Variants in C4orf36 observed in about 807,000 individuals in gnomAD.
C4orf36 encodes the protein chromosome 4 open reading frame 36, also known as uncharacterized protein C4orf36.
C4orf36 carries 11 observed loss-of-function variants against 12.2 expected under a neutral mutation model. That is an observed-to-expected ratio of 0.90 (90% CI 0.57 to 1.49). The LOEUF is 1.49. C4orf36 is among the 40% of genes most tolerant of loss of function. The pLI is 0.00. For missense variants in C4orf36, 137 were observed against 133.9 expected (o/e 1.02, Z -0.11); for synonymous variants, 54 against 51.3 (o/e 1.05, Z -0.22).
Position 86,887,782 on chromosome 4 carries a change from C to T in C4orf36, c.332G>A (p.Arg111Lys), listed in dbSNP as rs1484875803. 6.2e-7 allele frequency: 1 copy of T among 1,614,238 alleles called. No individual in the cohort carries two copies. Among genetic ancestry groups the T allele is most frequent in the South Asian group, 1.1e-5 (1 of 91,088 alleles). The stretch of plus-strand genomic sequence containing the variant: ...CTGTCATTTAGATGGAAGAGGTCTT[C>T]TCAAACCGGCTGGCCTTTCCCTCAG... ...LLLRERPAGL[R>K]RPLPSK The change falls in exon 4 of 5, where the codon AGA becomes AAA. Residue 111 changes from arginine to lysine, a missense_variant. Transcript: ENST00000295898.
chr4:86,901,857 G>T, the C4orf36 span, among the ~76,000 whole-genome samples: 1 of 150,960 alleles, frequency 6.6e-6, no homozygotes, highest in African/African-American at 2.4e-5. Context: ...AAGATATGTT[G>T]AAGTCCTAAC....
At chr4:86,898,080 T>G in the C4orf36 span, among the ~76,000 whole-genome samples, 2 of 152,196 alleles carry the variant, frequency 1.3e-5, no homozygotes, top group African/African-American at 4.8e-5. Flanking sequence ...CATGCTGACT[T>G]ATAATGTTGC....
intron 4 of C4orf36, among the ~76,000 whole-genome samples, chr4:86,878,198 A>G (rs1410912440): frequency 1.3e-5 from 2 of 152,128 alleles, no homozygotes; most frequent in Admixed American, 6.5e-5. Context: ...GCACCGACAG[A>G]CTGGAGCTGA....
chr4:86,923,086 C>T, the C4orf36 span, among the ~76,000 whole-genome samples: 15 of 148,278 alleles, frequency 1.0e-4, no homozygotes, highest in East Asian at 1.8e-3. Context: ...CATCCAGCTG[C>T]CTTTTTTTTT....
the C4orf36 span, among the ~76,000 whole-genome samples, chr4:86,918,838 C>T: frequency 2.2e-4 from 33 of 148,798 alleles, no homozygotes; most frequent in Admixed American, 8.7e-4. Flanking sequence ...TGTGTGTGCA[C>T]GTGATATGGG....
At chr4:86,914,899 G>T in the C4orf36 span, 2 of 328,230 alleles carry the variant, frequency 6.1e-6, no homozygotes, top group Non-Finnish European at 1.1e-5. Context: ...TGGACTCTGG[G>T]CAGTCAATGC....
At chr4:86,908,649 C>G in the C4orf36 span, among the ~76,000 whole-genome samples, 1 of 150,940 alleles carries the variant, frequency 6.6e-6, no homozygotes, top group Non-Finnish European at 1.5e-5. Context: ...ACCTTACTCT[C>G]TCTCTCTCCC....
At position 86,876,299 on chromosome 4, in the gene C4orf36, C is replaced by T. The variant is rs1746924186; in HGVS notation, c.*147G>A. On this transcript the variant is annotated 3_prime_UTR_variant, in exon 5 of 5. Coordinates refer to ENST00000295898, the MANE Select transcript of C4orf36 (RefSeq NM_144645.4). ...AGATTTTCTCGGTCTCTGGGCGGGCCGTGGGAGGCTTCCTGAGGTGGGGGC... is the reference window on the plus strand; with the variant it reads ...AGATTTTCTCGGTCTCTGGGCGGGCTGTGGGAGGCTTCCTGAGGTGGGGGC... The T allele has an allele frequency of 2.8e-5, 35 of 1,268,910 alleles. No homozygotes were observed. The South Asian group carries it at 4.6e-4, about 17-fold the overall frequency. 78.6% of individuals were successfully genotyped at this position (1,268,910 alleles called of 1,614,324 possible).
At chr4:86,881,292 T>C (rs923263591) in intron 4 of C4orf36, among the ~76,000 whole-genome samples, 9 of 152,208 alleles carry the variant, frequency 5.9e-5, no homozygotes, top group Non-Finnish European at 1.2e-4. Flanking sequence ...GTTATCAGTT[T>C]TAATTAAATT....
At chr4:86,923,889 G>A in the C4orf36 span, among the ~76,000 whole-genome samples, 4 of 151,588 alleles carry the variant, frequency 2.6e-5, no homozygotes, top group Admixed American at 2.6e-4. Context: ...TATTACTCGT[G>A]CAAAATAAAT....
chr4:86,892,313 G>C lies in C4orf36; in HGVS notation c.-204C>G. On this transcript the variant is annotated 5_prime_UTR_variant, in exon 1 of 5. Coordinates refer to ENST00000295898, the MANE Select transcript of C4orf36 (RefSeq NM_144645.4). ...TCCAGGGGCTCGGAGGGTCGCGGCC[G>C]GGGTACTGAGGTAAGAGCGCGCTGC... 1 of 985,536 alleles carries C rather than the reference G, an allele frequency of 1.0e-6. No homozygotes were observed. The highest frequency in any genetic ancestry group is 1.2e-6 in the Non-Finnish European group (1 of 830,006). The allele number at this position is 985,536 out of a possible 1,614,324, so 61.0% of individuals were successfully genotyped here. A position where few individuals can be genotyped will look rare whatever the true frequency, so the allele number is the denominator to read the frequency against.
chr4:86,924,763 T>A, the C4orf36 span: 1 of 152,256 alleles, frequency 6.6e-6, no homozygotes, highest in Admixed American at 6.5e-5. Context: ...TGCTTTTATA[T>A]TTGAATGATA....
At chr4:86,926,597 T>G in the C4orf36 span, among the ~76,000 whole-genome samples, 1 of 152,170 alleles carries the variant, frequency 6.6e-6, no homozygotes, top group Non-Finnish European at 1.5e-5. Flanking sequence ...GGTTGGCCAC[T>G]CCTAGATTCC....
At chr4:86,917,462 A>G in the C4orf36 span, among the ~76,000 whole-genome samples, 1 of 90,426 alleles carries the variant, frequency 1.1e-5, no homozygotes, top group Non-Finnish European at 3.0e-5. Flanking sequence ...AAAGAAAGAA[A>G]GAAAAGAAAG....
At chr4:86,903,751 G>C in the C4orf36 span, among the ~76,000 whole-genome samples, 9 of 152,160 alleles carry the variant, frequency 5.9e-5, no homozygotes, top group East Asian at 1.5e-3. Context: ...CCATTTTACA[G>C]AGAGCTGATT....
At chr4:86,885,022 GTATTATTTC>G (rs1374420432) in intron 4 of C4orf36, among the ~76,000 whole-genome samples, 1 of 152,152 alleles carries the variant, frequency 6.6e-6, no homozygotes, top group Non-Finnish European at 1.5e-5. Flanking sequence ...CAGATGTGTG[GTATTATTTC>G]TGAGGGCTCT....
Position 86,876,330 on chromosome 4 carries a change from C to T in C4orf36, c.*116G>A. ...AGGCTTCCTGAGGTGGGGGCCGGGC[C>T]AGGATGGCTGCAGCGCAGCGACGGC... On this transcript the variant is annotated 3_prime_UTR_variant, in exon 5 of 5. Coordinates refer to ENST00000295898, the MANE Select transcript of C4orf36 (RefSeq NM_144645.4). 1.3e-6 allele frequency: 2 copies of T among 1,516,634 alleles called. No homozygotes were observed. The highest frequency in any genetic ancestry group is 4.7e-5 in the East Asian group (2 of 42,144). 93.9% of individuals were successfully genotyped at this position (1,516,634 alleles called of 1,614,324 possible).
chr4:86,904,111 C>T, the C4orf36 span, among the ~76,000 whole-genome samples: 2 of 152,270 alleles, frequency 1.3e-5, no homozygotes, highest in Non-Finnish European at 2.9e-5. Flanking sequence ...TGGCACTCGC[C>T]GGGACTTTGC....
At chr4:86,934,625 C>T in the C4orf36 span, 11 of 152,198 alleles carry the variant, frequency 7.2e-5, no homozygotes, top group Non-Finnish European at 1.0e-4. Context: ...TAGTTATTAT[C>T]TCCTTTAAAG....
Sources: allele counts gnomAD v4.1 joint callset (sites outside exome capture counted in the v4.1 genomes callset), GRCh38; gene constraint gnomAD v4.1.1; transcripts MANE v1.5; gene names NCBI Gene and HGNC (gene_info 2026-07-23, HGNC 2026-07-21).